The following GALNT13 variants were observed in gnomAD, a reference collection of about 807,000 sequenced individuals.
GALNT13 encodes polypeptide N-acetylgalactosaminyltransferase 13.
In GALNT13, 28 loss-of-function variants were observed where a neutral mutation model predicts 64.2. That is an observed-to-expected ratio of 0.44 (90% confidence interval 0.32 to 0.60). GALNT13 has a LOEUF of 0.60. GALNT13 is among the 20% of genes least tolerant of loss of function. The pLI is 0.05. For synonymous variants in GALNT13, 214 were observed against 224.6 expected, an observed-to-expected ratio of 0.95 and a Z score of 0.42; for missense variants, 577 against 669.8, an observed-to-expected ratio of 0.86 and a Z score of 1.53.
the GALNT13 span, among the ~76,000 whole-genome samples, chr2:153,113,939 C>A: frequency 1.9e-4 from 29 of 152,082 alleles, no homozygotes; most frequent in Non-Finnish European, 3.8e-4. Context: ...AAAGGGAAGG[C>A]TTACTAATTA....
intron 9 of GALNT13, among the ~76,000 whole-genome samples, chr2:154,360,676 A>G (rs957478017): frequency 1.3e-5 from 2 of 152,162 alleles, no homozygotes; most frequent in Non-Finnish European, 2.9e-5. Context: ...ATTGTCATAA[A>G]TGTGACTATT....
chr2:153,082,616 TATAC>T, the GALNT13 span, among the ~76,000 whole-genome samples: 45 of 26,574 alleles, frequency 1.7e-3, no homozygotes, highest in Non-Finnish European at 2.4e-3. Flanking sequence ...TATATATATA[TATAC>T]ACACACACAC....
chr2:154,388,299 C>T (rs1698610683), intron 9 of GALNT13, among the ~76,000 whole-genome samples: 1 of 152,098 alleles, frequency 6.6e-6, no homozygotes, highest in Non-Finnish European at 1.5e-5. Flanking sequence ...TCATGTATTT[C>T]AGATTTTAAT....
chr2:153,170,578 A>T, the GALNT13 span, among the ~76,000 whole-genome samples: 1 of 152,254 alleles, frequency 6.6e-6, no homozygotes, highest in Non-Finnish European at 1.5e-5. Context: ...TGTCACACAG[A>T]AGAAAAAATA....
chr2:154,307,623 A>G (rs1273574898), intron 9 of GALNT13, among the ~76,000 whole-genome samples: 1 of 151,508 alleles, frequency 6.6e-6, no homozygotes, highest in Non-Finnish European at 1.5e-5. Context: ...TTTTTTTCAC[A>G]TTTGTTTAGT....
chr2:154,247,217 T>C (rs559858723), intron 7 of GALNT13, among the ~76,000 whole-genome samples: 34 of 152,140 alleles, frequency 2.2e-4, no homozygotes, highest in African/African-American at 7.9e-4. Flanking sequence ...CCTGTCAGTA[T>C]TTAAAATGTA....
chr2:153,752,639 T>C, the GALNT13 span, among the ~76,000 whole-genome samples: 33 of 152,320 alleles, frequency 2.2e-4, no homozygotes, highest in East Asian at 6.0e-3. Context: ...TTGTATGTTA[T>C]TTGTTTATTT....
chr2:153,668,667 C>T, the GALNT13 span, among the ~76,000 whole-genome samples: 1 of 152,146 alleles, frequency 6.6e-6, no homozygotes, highest in Non-Finnish European at 1.5e-5. Flanking sequence ...GTGTTCCTGG[C>T]CCCCACCTAC....
the GALNT13 span, among the ~76,000 whole-genome samples, chr2:153,106,310 T>C: frequency 6.6e-6 from 1 of 152,100 alleles, no homozygotes; most frequent in Admixed American, 6.6e-5. Context: ...ATAGATCACT[T>C]GGCCTGTGTT....
the GALNT13 span, among the ~76,000 whole-genome samples, chr2:153,329,131 C>T: frequency 6.6e-6 from 1 of 152,166 alleles, no homozygotes; most frequent in African/African-American, 2.4e-5. Context: ...CCATGGGCTG[C>T]ACCCGCTTTC....
intron 3 of GALNT13, among the ~76,000 whole-genome samples, chr2:154,104,320 C>T (rs1383411946): frequency 2.6e-5 from 4 of 152,124 alleles, no homozygotes; most frequent in African/African-American, 7.2e-5. Flanking sequence ...GTCTGCCCTC[C>T]GATGCAAGGA....
chr2:153,406,348 T>C, the GALNT13 span, among the ~76,000 whole-genome samples: 1 of 152,206 alleles, frequency 6.6e-6, no homozygotes, highest in Non-Finnish European at 1.5e-5. Context: ...TGTTTATTAA[T>C]AGCTCAAATT....
the GALNT13 span, among the ~76,000 whole-genome samples, chr2:153,337,998 C>T: frequency 5.7e-3 from 870 of 152,188 alleles, 5 homozygotes; most frequent in African/African-American, 0.019. Flanking sequence ...TGGATCATAC[C>T]GTATAATCAT....
intron 3 of GALNT13, among the ~76,000 whole-genome samples, chr2:154,025,165 G>T (rs143174471): frequency 6.6e-6 from 1 of 152,096 alleles, no homozygotes; most frequent in African/African-American, 2.4e-5. Flanking sequence ...GAGGCAGTCT[G>T]CCCATTCTCA....
chr2:153,361,160 A>G, the GALNT13 span, among the ~76,000 whole-genome samples: 2 of 152,154 alleles, frequency 1.3e-5, no homozygotes, highest in South Asian at 4.1e-4. Flanking sequence ...TTGAAAGAAA[A>G]ACAAACAAAC....
chr2:153,808,418 G>A, the GALNT13 span, among the ~76,000 whole-genome samples: 2 of 151,096 alleles, frequency 1.3e-5, no homozygotes, highest in Admixed American at 1.3e-4. Flanking sequence ...TTCAAATCTT[G>A]GGTTCTTTGA....
chr2:153,914,898 A>C (rs951374509), intron 2 of GALNT13, among the ~76,000 whole-genome samples: 2 of 151,608 alleles, frequency 1.3e-5, no homozygotes, highest in East Asian at 1.9e-4. Context: ...CTAATATACT[A>C]CTCCTGGTGG....
At chr2:154,173,890 T>C (rs1336300009) in intron 4 of GALNT13, among the ~76,000 whole-genome samples, 1 of 152,070 alleles carries the variant, frequency 6.6e-6, no homozygotes, top group African/African-American at 2.4e-5. Flanking sequence ...TAATAGAAGC[T>C]GGAAGCTGGC....
intron 3 of GALNT13, among the ~76,000 whole-genome samples, chr2:154,000,443 T>G (rs1695829860): frequency 6.6e-6 from 1 of 152,032 alleles, no homozygotes; most frequent in Non-Finnish European, 1.5e-5. Flanking sequence ...AGAATTATGT[T>G]GCTCTAAAAT....
Sources: gnomAD v4.1 joint callset for allele counts (sites outside exome capture counted in the v4.1 genomes callset) on GRCh38, gnomAD v4.1.1 for gene constraint, MANE v1.5 for transcripts, NCBI Gene and HGNC (gene_info 2026-07-23, HGNC 2026-07-21) for gene names.